The following CDH8 variants were observed in gnomAD, a reference collection of about 807,000 sequenced individuals.
The protein encoded by CDH8 is cadherin-8.
Under a neutral mutation model 68.1 loss-of-function variants are expected in CDH8, and 17 were observed. The ratio of observed to expected loss-of-function variants is 0.25; its 90% CI spans 0.17 to 0.37. The LOEUF (loss-of-function observed/expected upper bound fraction) is 0.37, where lower values mean the gene tolerates loss of function less well. CDH8 is among the 10% of genes least tolerant of loss of function. The probability of loss-of-function intolerance (pLI) is 1.00; values close to 1 mark genes in which losing one functional copy is unlikely to be tolerated. For synonymous variants in CDH8, 372 were observed against 365.1 expected (o/e 1.02, Z -0.21); for missense variants, 763 against 999.3 (o/e 0.76, Z 3.19).
At chr16:61,783,099 C>T (rs563922453) in intron 8 of CDH8, among the ~76,000 whole-genome samples, 79 of 147,952 alleles carry the variant, frequency 5.3e-4, no homozygotes, top group African/African-American at 1.5e-3. Context: ...ATGACTTTGA[C>T]GAGCTGAGAG....
intron 10 of CDH8, among the ~76,000 whole-genome samples, chr16:61,665,140 A>C (rs1482113079): frequency 6.6e-6 from 1 of 151,900 alleles, no homozygotes; most frequent in Non-Finnish European, 1.5e-5. Flanking sequence ...TAGTGTCCTT[A>C]TAAGAAGAGA....
chr16:61,801,727 CA>C (rs1961642843), intron 7 of CDH8, among the ~76,000 whole-genome samples: 1 of 152,180 alleles, frequency 6.6e-6, no homozygotes, highest in African/African-American at 2.4e-5. Flanking sequence ...AAAATCGGGT[CA>C]CTCCCACCCG....
chr16:61,807,619 C>G (rs955933952), intron 7 of CDH8, among the ~76,000 whole-genome samples: 1 of 152,106 alleles, frequency 6.6e-6, no homozygotes, highest in Non-Finnish European at 1.5e-5. Flanking sequence ...AAGGAGGATG[C>G]CAGAGATGTG....
At position 61,978,820 on chromosome 16, in the gene CDH8, G is replaced by A. The variant is rs1331874593; in HGVS notation, c.252+42332C>T. ...TACAGTTGATTTTCCTTTTGACAAG[G>A]GGAAATTGCATTCCCTGTGTATGGA... On this transcript the variant is annotated intron_variant, in intron 2 of 11. Coordinates refer to ENST00000577390, the MANE Select transcript of CDH8 (RefSeq NM_001796.5). Among the ~76,000 whole-genome samples the A allele has an allele frequency of 3.3e-5, 5 of 152,032 alleles. No homozygotes were observed. In the East Asian group the frequency reaches 9.7e-4, roughly 29 times the overall value.
At chr16:61,739,938 T>C (rs1301530784) in intron 8 of CDH8, among the ~76,000 whole-genome samples, 1 of 144,380 alleles carries the variant, frequency 6.9e-6, no homozygotes, top group Non-Finnish European at 1.5e-5. Flanking sequence ...AGACAAAGTC[T>C]TGCTCTGTCA....
intron 7 of CDH8, among the ~76,000 whole-genome samples, chr16:61,816,818 A>G (rs1364901371): frequency 1.3e-5 from 2 of 152,182 alleles, no homozygotes; most frequent in Non-Finnish European, 2.9e-5. Context: ...AAAAGCTTTA[A>G]TAAAGAATTA....
At chr16:61,940,167 A>G (rs1964690418) in intron 2 of CDH8, 1 of 152,310 alleles carries the variant, frequency 6.6e-6, no homozygotes, top group South Asian at 2.1e-4. Context: ...ATTTATTAAA[A>G]ATAAACTTCT....
chr16:61,901,300 C>T lies in CDH8; in HGVS notation c.426G>A (p.Glu142=). The part of the protein sequence containing the change: ...YTLTAQAVDW[E]TSKPLEPPSE... ...AAGGAGGCTCCAGAGGTTTGCTTGT[C>T]TCCCAGTCCACTGCTTGAGCTGTTA... The change falls in exon 3 of 12, where the codon GAG becomes GAA. Residue 142 remains glutamate, a synonymous_variant. Transcript: ENST00000577390. 2 of 1,614,034 alleles carry T rather than the reference C, an allele frequency of 1.2e-6. No homozygotes were observed. Among genetic ancestry groups the T allele is most frequent in the South Asian group, 2.2e-5 (2 of 91,064 alleles).
chr16:61,872,920 G>A (rs2143064235), intron 3 of CDH8, among the ~76,000 whole-genome samples: 1 of 152,308 alleles, frequency 6.6e-6, no homozygotes, highest in Admixed American at 6.5e-5. Flanking sequence ...ATGATACAAA[G>A]AAGTGTTAAG....
At chr16:61,936,109 A>T (rs565644508) in intron 2 of CDH8, among the ~76,000 whole-genome samples, 1 of 152,318 alleles carries the variant, frequency 6.6e-6, no homozygotes, top group East Asian at 1.9e-4. Flanking sequence ...TTATAAATGT[A>T]AGAATTCAAT....
At chr16:61,781,243 T>C (rs1223196179) in intron 8 of CDH8, among the ~76,000 whole-genome samples, 3 of 152,244 alleles carry the variant, frequency 2.0e-5, no homozygotes, top group Admixed American at 6.5e-5. Context: ...TGTGTATTCA[T>C]TGCTTTGAGT....
chr16:61,832,375 GATAGATAC>G (rs1193533846), intron 4 of CDH8, among the ~76,000 whole-genome samples: 8 of 147,322 alleles, frequency 5.4e-5, no homozygotes, highest in South Asian at 2.1e-4. Context: ...TAGATAGATA[GATAGATAC>G]ATAGAGAAAT....
intron 3 of CDH8, among the ~76,000 whole-genome samples, chr16:61,873,071 C>T (rs558809895): frequency 1.1e-3 from 163 of 152,210 alleles, no homozygotes; most frequent in Non-Finnish European, 1.0e-3. Flanking sequence ...AGTATTTAAA[C>T]CTATGTTTTG....
intron 8 of CDH8, among the ~76,000 whole-genome samples, chr16:61,742,026 G>T (rs59243311): frequency 3.3e-5 from 5 of 151,764 alleles, no homozygotes; most frequent in Non-Finnish European, 7.4e-5. Flanking sequence ...TCTTTTGTGT[G>T]TTTAATCTGT....
chr16:61,869,347 G>A (rs1211191528), intron 3 of CDH8, among the ~76,000 whole-genome samples: 1 of 152,150 alleles, frequency 6.6e-6, no homozygotes, highest in African/African-American at 2.4e-5. Flanking sequence ...AGTGGTGGGT[G>A]TGCAGAGAAG....
At chr16:61,708,759 C>CT in intron 10 of CDH8, among the ~76,000 whole-genome samples, 1 of 152,254 alleles carries the variant, frequency 6.6e-6, no homozygotes, top group South Asian at 2.1e-4. Context: ...AATCGGAAGC[C>CT]TTTTTGGATC....
At chr16:61,879,465 C>T (rs1034867444) in intron 3 of CDH8, among the ~76,000 whole-genome samples, 11 of 152,250 alleles carry the variant, frequency 7.2e-5, no homozygotes, top group Middle Eastern at 3.4e-3. Context: ...AATGCAGATC[C>T]GGTTGACATT....
At chr16:61,975,179 G>A (rs974631707) in intron 2 of CDH8, among the ~76,000 whole-genome samples, 6 of 151,984 alleles carry the variant, frequency 3.9e-5, no homozygotes, top group African/African-American at 7.2e-5. Context: ...CATCATCAAG[G>A]TTCAGTAATG....
At chr16:61,807,719 G>C (rs1596985692) in intron 7 of CDH8, among the ~76,000 whole-genome samples, 3 of 152,134 alleles carry the variant, frequency 2.0e-5, no homozygotes, top group African/African-American at 7.2e-5. Flanking sequence ...GTTTTCTGAA[G>C]ACTAAGCAAA....
Sources: allele counts gnomAD v4.1 joint callset (sites outside exome capture counted in the v4.1 genomes callset), GRCh38; gene constraint gnomAD v4.1.1; transcripts MANE v1.5; gene names NCBI Gene and HGNC (gene_info 2026-07-23, HGNC 2026-07-21).